The following KIF1A variants were observed in gnomAD, a reference collection of about 807,000 sequenced individuals.
KIF1A encodes kinesin-like protein KIF1A.
A neutral mutation model predicts 227.3 loss-of-function variants in KIF1A; 46 were observed. The observed-to-expected ratio is 0.20, with a 90% CI of 0.16 to 0.26. KIF1A has a LOEUF of 0.26. Ranked by LOEUF, KIF1A falls within the 10% of genes least tolerant of loss-of-function variation. The probability of loss-of-function intolerance (pLI) is 1.00; values close to 1 mark genes in which losing one functional copy is unlikely to be tolerated. For missense variants in KIF1A, 1,683 were observed against 2,485.9 expected (o/e 0.68, Z 6.87); for synonymous variants, 1,022 against 1,012.8 (o/e 1.01, Z -0.17).
At chr2:240,771,244 G>A in intron 14 of KIF1A, 140 bp from the exon 15 acceptor site, 1 of 1,031,230 alleles carries the variant, frequency 9.7e-7, no homozygotes, top group Non-Finnish European at 1.5e-6. Context: ...GATGAAGATG[G>A]GAAAAAGTAA....
In KIF1A at chr2:240,767,307, C is replaced by G; in HGVS notation, c.1536G>C (p.Met512Ile). Residue 512 changes from methionine (M) to isoleucine (I), a missense_variant, in exon 18 of 49, where the codon ATG (methionine) becomes ATC (isoleucine). Transcript: ENST00000498729. The part of the protein sequence containing the change: ...HLVNLNEDPL[M>I]SECLLYYIKD... ...TGATGTAGTAGAGCAGGCACTCAGACATCAGCGGGTCCTCGTTCAGGTTGA... is the reference window on the plus strand; with the variant it reads ...TGATGTAGTAGAGCAGGCACTCAGAGATCAGCGGGTCCTCGTTCAGGTTGA... 1 of 1,613,816 alleles carries G rather than the reference C, an allele frequency of 6.2e-7. No individual in the cohort carries two copies. The highest frequency in any genetic ancestry group is 8.5e-7 in the Non-Finnish European group (1 of 1,179,928).
In KIF1A at chr2:240,807,324, G is replaced by A. The variant is rs566804536; in HGVS notation, c.-60-9512C>T. Among the ~76,000 whole-genome samples, 34 of 152,106 alleles carry A rather than the reference G, an allele frequency of 2.2e-4. 1 individual carries two copies. The South Asian group carries it at 2.7e-3, about 12-fold the overall frequency. Reference sequence around the variant, plus strand: ...ATGCCCAACTAATTTTGTATTTTTAGTAGATACATGGTTTCTCCATGTTGG... The same window carrying A: ...ATGCCCAACTAATTTTGTATTTTTAATAGATACATGGTTTCTCCATGTTGG... On this transcript the variant is annotated intron_variant, in intron 1 of 48. Transcript: ENST00000498729.
intron 2 of KIF1A, among the ~76,000 whole-genome samples, chr2:240,795,848 G>A (rs1214338511): frequency 6.6e-6 from 1 of 152,194 alleles, no homozygotes; most frequent in African/African-American, 2.4e-5. Context: ...AAGGTTCAGG[G>A]GCAGGAGGGT....
intron 13 of KIF1A, 52 bp from the exon 14 acceptor site, chr2:240,772,648 C>A: frequency 7.0e-7 from 1 of 1,435,980 alleles, no homozygotes; most frequent in Non-Finnish European, 9.6e-7. Flanking sequence ...AACAGAAGAA[C>A]AGGTTTGTCT....
intron 6 of KIF1A, among the ~76,000 whole-genome samples, chr2:240,785,424 G>A (rs1255485421): frequency 1.3e-5 from 2 of 152,248 alleles, no homozygotes; most frequent in Non-Finnish European, 2.9e-5. Context: ...CCATGATATG[G>A]GAGGGGAAGG....
chr2:240,749,135 A>G (rs546705602), intron 28 of KIF1A, among the ~76,000 whole-genome samples: 1 of 152,234 alleles, frequency 6.6e-6, no homozygotes, highest in East Asian at 1.9e-4. Flanking sequence ...AAAAAAAAAA[A>G]AAGAAAAGAA....
intron 8 of KIF1A, 47 bp from the exon 9 acceptor site, chr2:240,783,156 G>A (rs907470682): frequency 3.4e-5 from 50 of 1,449,846 alleles, no homozygotes; most frequent in Non-Finnish European, 4.8e-5. Flanking sequence ...GGACCCGTGG[G>A]GCCTCCTGCT....
At chr2:240,722,376 G>A in intron 43 of KIF1A, 80 bp downstream of exon 43, 1 of 1,372,674 alleles carries the variant, frequency 7.3e-7, no homozygotes, top group Non-Finnish European at 1.0e-6. Context: ...GCAAGGCCGG[G>A]TTGCTGGAGT....
At chr2:240,780,488 C>T (rs919966037) in intron 10 of KIF1A, among the ~76,000 whole-genome samples, 16 of 152,110 alleles carry the variant, frequency 1.1e-4, no homozygotes, top group Non-Finnish European at 2.1e-4. Context: ...CAGTTCCCCA[C>T]GCAATTCCTC....
rs372473134 is a variant in KIF1A at position 240,718,032 on chromosome 2, C to T, written c.5333+18G>A. On this transcript the variant is annotated intron_variant, in intron 48 of 48. Coordinates refer to ENST00000498729, the MANE Select transcript of KIF1A (RefSeq NM_001244008.2). ...CAGGACCCCCATGGCAGCAACCTCGCCCTGCAGGCGGCCCTACCGTATGGT... is the reference window on the plus strand; with the variant it reads ...CAGGACCCCCATGGCAGCAACCTCGTCCTGCAGGCGGCCCTACCGTATGGT... 2.1e-5 allele frequency: 32 copies of T among 1,553,108 alleles called. No individual in the cohort carries two copies. Among genetic ancestry groups the T allele is most frequent in the South Asian group, 1.3e-4 (11 of 86,784 alleles).
chr2:240,808,318 C>G (rs1320907267), intron 1 of KIF1A, among the ~76,000 whole-genome samples: 1 of 152,086 alleles, frequency 6.6e-6, no homozygotes, highest in Non-Finnish European at 1.5e-5. Context: ...CAAGAACATT[C>G]TTATATACCT....
intron 1 of KIF1A, among the ~76,000 whole-genome samples, chr2:240,800,337 A>G (rs940291700): frequency 6.6e-6 from 1 of 152,182 alleles, no homozygotes; most frequent in African/African-American, 2.4e-5. Flanking sequence ...TGGAAGGCGA[A>G]GGCGGCTTGG....
chr2:240,750,356 C>T (rs957317306), intron 28 of KIF1A, 73 bp downstream of exon 28: 34 of 1,130,566 alleles, frequency 3.0e-5, no homozygotes, highest in African/African-American at 1.1e-4. Flanking sequence ...CTTGGGCCCA[C>T]GCCTCTGCCT....
intron 10 of KIF1A, among the ~76,000 whole-genome samples, chr2:240,780,770 C>CA (rs2053564629): frequency 4.2e-5 from 3 of 71,504 alleles, no homozygotes; most frequent in African/African-American, 1.5e-4. Flanking sequence ...CCACACAGCT[C>CA]CACACACACA....
chr2:240,786,765 G>A lies in KIF1A; in HGVS notation c.430-252C>T, dbSNP rs1463247240. Among the ~76,000 whole-genome samples, 20 of 117,726 alleles carry A rather than the reference G, an allele frequency of 1.7e-4. 1 individual carries two copies. The highest frequency in any genetic ancestry group is 6.0e-4 in the African/African-American group (17 of 28,406). The allele number at this position is 117,726 out of a possible 152,430, so 77.2% of individuals were successfully genotyped here. A position where few individuals can be genotyped will look rare whatever the true frequency, so the allele number is the denominator to read the frequency against. ...CTGGGCCCCTGAGTGAGAGGGTAGGGGCCACCATCAGGACCCCTGAGTGAG... is the reference window on the plus strand; with the variant it reads ...CTGGGCCCCTGAGTGAGAGGGTAGGAGCCACCATCAGGACCCCTGAGTGAG... On this transcript the variant is annotated intron_variant, in intron 5 of 48. Coordinates refer to ENST00000498729, the MANE Select transcript of KIF1A (RefSeq NM_001244008.2).
At position 240,757,261 on chromosome 2, in the gene KIF1A, G is replaced by A; in HGVS notation, c.2858+58C>T. ...CAGCGGTTCCTCTGTGCCCGCAGCA[G>A]TGCTCCTGTGCAAAAGAGCTGGGTC... On this transcript the variant is annotated intron_variant, in intron 27 of 48. Transcript: ENST00000498729. The surrounding 1 kb of genome is among the most constrained non-coding windows in gnomAD (Gnocchi z 6.2). 2 of 1,488,516 alleles carry A rather than the reference G, an allele frequency of 1.3e-6. No individual in the cohort carries two copies. Among genetic ancestry groups the A allele is most frequent in the Non-Finnish European group, 1.8e-6 (2 of 1,094,872 alleles). The allele number at this position is 1,488,516 out of a possible 1,614,324, so 92.2% of individuals were successfully genotyped here.
At chr2:240,760,089 C>T (rs1224456398) in intron 25 of KIF1A, among the ~76,000 whole-genome samples, 3 of 152,222 alleles carry the variant, frequency 2.0e-5, no homozygotes, top group Admixed American at 1.3e-4. Context: ...AGAGGCCGAG[C>T]TTTAGGAAGG....
At position 240,757,648 on chromosome 2, in the gene KIF1A, C is replaced by T. The variant is rs752492768; in HGVS notation, c.2583-54G>A. 242 of 1,531,156 alleles carry T rather than the reference C, an allele frequency of 1.6e-4. No individual in the cohort carries two copies. Among genetic ancestry groups the T allele is most frequent in the Non-Finnish European group, 1.9e-4 (214 of 1,135,610 alleles). The allele number at this position is 1,531,156 out of a possible 1,614,324, so 94.8% of individuals were successfully genotyped here. On this transcript the variant is annotated intron_variant, in intron 26 of 48. Coordinates refer to ENST00000498729, the MANE Select transcript of KIF1A (RefSeq NM_001244008.2). This position sits in a 1 kb window ranked among gnomAD's most constrained non-coding sequence, Gnocchi z 6.2. ...AGTTAACACCAGCGACTCGCAGGGA[C>T]GAACAGGGGCCGGGGCCGGGGCTGG...
At position 240,775,822 on chromosome 2, in the gene KIF1A, T is replaced by G. The variant is rs2052653899; in HGVS notation, c.958+29A>C. The G allele has an allele frequency of 6.6e-7, 1 of 1,508,888 alleles. No individual in the cohort carries two copies. Among genetic ancestry groups the G allele is most frequent in the East Asian group, 2.3e-5 (1 of 44,360 alleles). The allele number at this position is 1,508,888 out of a possible 1,614,324, so 93.5% of individuals were successfully genotyped here. A position where few individuals can be genotyped will look rare whatever the true frequency, so the allele number is the denominator to read the frequency against. On this transcript the variant is annotated intron_variant, in intron 11 of 48. Transcript: ENST00000498729. This position sits in a 1 kb window ranked among gnomAD's most constrained non-coding sequence, Gnocchi z 5.5. ...ACAGCCCAGGGTGGGATCAGAGCCCTGGGGACAGGCAAACCCACAAGTTCT... is the reference window on the plus strand; with the variant it reads ...ACAGCCCAGGGTGGGATCAGAGCCCGGGGGACAGGCAAACCCACAAGTTCT...
Sources: allele counts gnomAD v4.1 joint callset (sites outside exome capture counted in the v4.1 genomes callset), GRCh38; gene constraint gnomAD v4.1.1; non-coding constraint Gnocchi (gnomAD v3.1); transcripts MANE v1.5; gene names NCBI Gene and HGNC (gene_info 2026-07-23, HGNC 2026-07-21).